Variants in MYLK observed in about 807,000 individuals in gnomAD.
MYLK encodes myosin light chain kinase, also known as myosin light chain kinase, smooth muscle.
In MYLK, 106 loss-of-function variants were observed where a neutral mutation model predicts 203.4. The ratio of observed to expected loss-of-function variants is 0.52; its 90% confidence interval spans 0.45 to 0.61. The LOEUF (loss-of-function observed/expected upper bound fraction) is 0.61. Ranked by LOEUF, MYLK falls within the 20% of genes least tolerant of loss-of-function variation. The pLI is 0.00. For synonymous variants in MYLK, 867 were observed against 959.5 expected (o/e 0.90, Z 1.78); for missense variants, 2,072 against 2,442.3 (o/e 0.85, Z 3.20).
At chr3:123,712,416 G>T (rs1305260415) in intron 13 of MYLK, among the ~76,000 whole-genome samples, 1 of 152,212 alleles carries the variant, frequency 6.6e-6, no homozygotes, top group East Asian at 1.9e-4. Flanking sequence ...AGAGCTTCAT[G>T]CAGATGGGCT....
intron 2 of MYLK, among the ~76,000 whole-genome samples, chr3:123,862,116 G>C (rs1238935985): frequency 1.3e-5 from 2 of 152,230 alleles, no homozygotes; most frequent in Non-Finnish European, 2.9e-5. Context: ...AGCGTCACCA[G>C]TCTGGGCTGC....
At chr3:123,672,208 GA>G in intron 20 of MYLK, among the ~76,000 whole-genome samples, 1 of 1,698 alleles carries the variant, frequency 5.9e-4, no homozygotes, top group Non-Finnish European at 0.011. Context: ...GCAGGGGGAG[GA>G]GAGAGAGAGA....
intron 4 of MYLK, among the ~76,000 whole-genome samples, 194 bp from the exon 5 acceptor site, chr3:123,752,732 G>A (rs1265177218): frequency 6.6e-6 from 1 of 152,140 alleles, no homozygotes; most frequent in Admixed American, 6.5e-5. Flanking sequence ...AAGGTAGAAG[G>A]TGGCAAAGTC....
chr3:123,681,478 G>C (rs949392609), intron 20 of MYLK: 1 of 152,970 alleles, frequency 6.5e-6, no homozygotes, highest in Non-Finnish European at 1.5e-5. Flanking sequence ...TTGGGAAGGA[G>C]GTAGTGGAGG....
At chr3:123,759,861 T>C (rs1275895788) in intron 4 of MYLK, among the ~76,000 whole-genome samples, 2 of 152,244 alleles carry the variant, frequency 1.3e-5, no homozygotes, top group Non-Finnish European at 1.5e-5. Flanking sequence ...AGAGCTGATA[T>C]ATACAGTGAA....
At chr3:123,741,201 T>C (rs1157108111) in intron 5 of MYLK, among the ~76,000 whole-genome samples, 2 of 152,218 alleles carry the variant, frequency 1.3e-5, no homozygotes, top group African/African-American at 4.8e-5. Flanking sequence ...ATCACATTTA[T>C]ATGACTGTGT....
chr3:123,669,377 T>G (rs1482371446), intron 20 of MYLK, among the ~76,000 whole-genome samples: 1 of 151,420 alleles, frequency 6.6e-6, no homozygotes, highest in African/African-American at 2.4e-5. Context: ...AAATCAGGCC[T>G]CAAGGTCTTA....
At chr3:123,630,096 G>A (rs1265220739) in intron 29 of MYLK, among the ~76,000 whole-genome samples, 18 of 152,050 alleles carry the variant, frequency 1.2e-4, no homozygotes, top group Admixed American at 1.2e-3. Context: ...CAAGAAGAGG[G>A]CCCGGCAAAT....
intron 17 of MYLK, among the ~76,000 whole-genome samples, chr3:123,701,237 C>CAAA (rs35577296): frequency 0.012 from 1,436 of 116,022 alleles, 22 homozygotes; most frequent in Non-Finnish European, 0.017. Flanking sequence ...AGGGTGTGTG[C>CAAA]AAAAAAAAAA....
intron 20 of MYLK, among the ~76,000 whole-genome samples, chr3:123,669,780 A>G (rs1192741600): frequency 6.6e-6 from 1 of 152,132 alleles, no homozygotes; most frequent in Non-Finnish European, 1.5e-5. Flanking sequence ...CACACCTGTA[A>G]TCCCAGCACT....
At chr3:123,717,696 G>A (rs770239539) in intron 13 of MYLK, among the ~76,000 whole-genome samples, 1 of 152,170 alleles carries the variant, frequency 6.6e-6, no homozygotes, top group Non-Finnish European at 1.5e-5. Flanking sequence ...ATATTCCTGG[G>A]CTCTGCAGGA....
intron 5 of MYLK, among the ~76,000 whole-genome samples, chr3:123,747,513 G>C (rs1367480072): frequency 1.3e-5 from 2 of 152,182 alleles, no homozygotes; most frequent in Non-Finnish European, 2.9e-5. Flanking sequence ...GCATGCTCAA[G>C]TTTGAGAATC....
rs761090869 is a variant in MYLK at position 123,673,161 on chromosome 3, CTT to C, written c.3653-5976_3653-5975del. On this transcript the variant is annotated intron_variant, in intron 20 of 33. Coordinates refer to ENST00000360304, the MANE Select transcript of MYLK (RefSeq NM_053025.4). ...GTGCAGCATGTTCTTTTTTTCTTTT[CTT>C]TTTTTTTTTTTTTTTTTTGACACAA... Among the ~76,000 whole-genome samples the C allele has an allele frequency of 0.024, 3,247 of 136,738 alleles. 199 individuals carry two copies. The East Asian group carries it at 0.3, about 13-fold the overall frequency. 89.7% of individuals were successfully genotyped at this position (136,738 alleles called of 152,430 possible).
chr3:123,673,420 A>G (rs2059979778), intron 20 of MYLK, among the ~76,000 whole-genome samples: 1 of 151,830 alleles, frequency 6.6e-6, no homozygotes, highest in Non-Finnish European at 1.5e-5. Flanking sequence ...GCCTCAGTGC[A>G]TGTTCTAACA....
At chr3:123,758,818 T>C (rs551307000) in intron 4 of MYLK, among the ~76,000 whole-genome samples, 15 of 152,206 alleles carry the variant, frequency 9.9e-5, no homozygotes, top group African/African-American at 3.4e-4. Context: ...AGATTTTTCT[T>C]TCTTTCTTTC....
In MYLK at chr3:123,629,369, G is replaced by T; in HGVS notation, c.5114+105C>A. 7.1e-7 allele frequency: 1 copy of T among 1,407,918 alleles called. No homozygotes were observed. The highest frequency in any genetic ancestry group is 9.9e-7 in the Non-Finnish European group (1 of 1,009,170). 87.2% of individuals were successfully genotyped at this position (1,407,918 alleles called of 1,614,324 possible). ...TCAGGGAATGCTAGGAACGACCCAA[G>T]GCGGGGTGGCAAGGAGGGCACCCCA... On this transcript the variant is annotated intron_variant, in intron 30 of 33. Coordinates refer to ENST00000360304, the MANE Select transcript of MYLK (RefSeq NM_053025.4). The surrounding 1 kb of genome is among the most constrained non-coding windows in gnomAD (Gnocchi z 4.4).
chr3:123,681,503 A>G (rs2060263626), intron 20 of MYLK: 1 of 153,296 alleles, frequency 6.5e-6, no homozygotes, highest in Non-Finnish European at 1.5e-5. Flanking sequence ...AGGTGCTGAC[A>G]CTGTGGGAGC....
chr3:123,834,028 T>TTTTGTTTGTTTG (rs528600839), intron 2 of MYLK, among the ~76,000 whole-genome samples: 98 of 152,130 alleles, frequency 6.4e-4, no homozygotes, highest in African/African-American at 2.3e-3. Flanking sequence ...CATTACTGTT[T>TTTTGTTTGTTTG]TTTGTTTGTT....
At chr3:123,761,676 C>T (rs1231936725) in intron 4 of MYLK, among the ~76,000 whole-genome samples, 1 of 152,156 alleles carries the variant, frequency 6.6e-6, no homozygotes, top group Non-Finnish European at 1.5e-5. Context: ...GTTTCTCAAG[C>T]AATGTCAGTG....
Sources: allele counts gnomAD v4.1 joint callset (sites outside exome capture counted in the v4.1 genomes callset), GRCh38; gene constraint gnomAD v4.1.1; non-coding constraint Gnocchi (gnomAD v3.1); transcripts MANE v1.5; gene names NCBI Gene and HGNC (gene_info 2026-07-23, HGNC 2026-07-21).